ASZ1: variants seen among roughly 807,000 people sequenced by gnomAD.
ASZ1 encodes ankyrin repeat, SAM and basic leucine zipper domain-containing protein 1.
In ASZ1, 67 loss-of-function variants were observed where a neutral mutation model predicts 61.8. The ratio of observed to expected loss-of-function variants is 1.08; its 90% CI spans 0.89 to 1.33. ASZ1 has a LOEUF of 1.33. Among genes scored for constraint, ASZ1 ranks in the 40% most tolerant of loss-of-function variants. The pLI is 0.00. For synonymous variants in ASZ1, 193 were observed against 192.7 expected, an observed-to-expected ratio of 1.00 and a Z score of -0.01; for missense variants, 577 against 554.5, an observed-to-expected ratio of 1.04 and a Z score of -0.41.
At chr7:117,383,970 G>A (rs1214502980) in intron 6 of ASZ1, among the ~76,000 whole-genome samples, 1 of 152,020 alleles carries the variant, frequency 6.6e-6, no homozygotes, top group African/African-American at 2.4e-5. Context: ...TAAAAGGTTA[G>A]AGGAAGTTAC....
chr7:117,408,240 G>C (rs945630609), intron 4 of ASZ1, among the ~76,000 whole-genome samples: 3 of 152,064 alleles, frequency 2.0e-5, no homozygotes, highest in African/African-American at 7.2e-5. Context: ...ATTAGTATGA[G>C]ATGTCTAAAG....
chr7:117,373,363 G>A (rs906334704), intron 10 of ASZ1, among the ~76,000 whole-genome samples: 2 of 151,904 alleles, frequency 1.3e-5, no homozygotes, highest in Admixed American at 1.3e-4. Context: ...CACACCCCAC[G>A]GCATTGGCTT....
At chr7:117,408,486 A>G (rs961503428) in intron 4 of ASZ1, among the ~76,000 whole-genome samples, 16 of 152,134 alleles carry the variant, frequency 1.1e-4, no homozygotes, top group African/African-American at 3.9e-4. Flanking sequence ...TTGCCAAATC[A>G]CATTATTTTA....
intron 4 of ASZ1, among the ~76,000 whole-genome samples, chr7:117,411,316 G>A (rs976934466): frequency 6.6e-6 from 1 of 151,664 alleles, no homozygotes; most frequent in African/African-American, 2.4e-5. Flanking sequence ...CTATATGTAG[G>A]TAAGAGATAA....
At position 117,411,538 on chromosome 7, in the gene ASZ1, A is replaced by G. The variant is rs188455612; in HGVS notation, c.440+8625T>C. ...TACTTTCACATGGTCTACAAATGTA[A>G]AGTGGAAAAAACTTTTTGGAGGACA... is the stretch of plus-strand genomic sequence containing the variant. On this transcript the variant is annotated intron_variant, in intron 4 of 12. Coordinates refer to ENST00000284629, the MANE Select transcript of ASZ1 (RefSeq NM_130768.3). Among the ~76,000 whole-genome samples, 16 of 151,954 alleles carry G rather than the reference A, an allele frequency of 1.1e-4. No individual in the cohort carries two copies. In the East Asian group the frequency reaches 3.1e-3, roughly 29 times the overall value.
Position 117,385,795 on chromosome 7 carries a change from G to T in ASZ1, c.455C>A (p.Pro152Gln), listed in dbSNP as rs1179243141. 2 of 1,612,422 alleles carry T rather than the reference G, an allele frequency of 1.2e-6. No individual in the cohort carries two copies. The highest frequency in any genetic ancestry group is 1.7e-6 in the Non-Finnish European group (2 of 1,178,892). Reference sequence around the variant, plus strand: ...ACCATCTCGAGCAGCATACATGATTGGGGTCATAAGTCTCCTAAGGAGGAG... The same window carrying T: ...ACCATCTCGAGCAGCATACATGATTTGGGTCATAAGTCTCCTAAGGAGGAG... ...PNVACRRLMTPIMYAARDGHT... is the reference protein window; with the variant it reads ...PNVACRRLMTQIMYAARDGHT... The change falls in exon 5 of 13, where the codon CCA (proline) becomes CAA (glutamine). Residue 152 changes from proline to glutamine, a missense_variant. Pro to Gln is a moderately conservative substitution (Grantham distance 76). Transcript: ENST00000284629.
chr7:117,419,082 T>A (rs1797052935), intron 4 of ASZ1, among the ~76,000 whole-genome samples: 1 of 152,172 alleles, frequency 6.6e-6, no homozygotes, highest in Non-Finnish European at 1.5e-5. Context: ...TTCTCAACCA[T>A]GGCACTACTG....
intron 2 of ASZ1, among the ~76,000 whole-genome samples, chr7:117,426,602 T>TA (rs1797221234): frequency 6.6e-6 from 1 of 151,608 alleles, no homozygotes; most frequent in Non-Finnish European, 1.5e-5. Context: ...AGAGTAGGCC[T>TA]CTTGCTTGAA....
At chr7:117,407,394 G>C (rs755776053) in intron 4 of ASZ1, among the ~76,000 whole-genome samples, 2 of 151,128 alleles carry the variant, frequency 1.3e-5, no homozygotes, top group Non-Finnish European at 2.9e-5. Context: ...CTCAGTAACT[G>C]ATAGAACACG....
chr7:117,363,920 C>A (rs1795879368), intron 12 of ASZ1, among the ~76,000 whole-genome samples, 172 bp from the exon 13 acceptor site: 1 of 152,248 alleles, frequency 6.6e-6, no homozygotes, highest in Middle Eastern at 3.4e-3. Context: ...GTCTGAAAGA[C>A]AGTCTTTCAT....
intron 3 of ASZ1, among the ~76,000 whole-genome samples, chr7:117,421,799 T>C (rs1797104503): frequency 6.6e-6 from 1 of 152,176 alleles, no homozygotes; most frequent in South Asian, 2.1e-4. Flanking sequence ...CTTCTTACAC[T>C]CAAAGCACTT....
Position 117,385,718 on chromosome 7 carries a change from G to T in ASZ1, c.532C>A (p.Gln178Lys). 6.2e-7 allele frequency: 1 copy of T among 1,607,724 alleles called. No homozygotes were observed. Among genetic ancestry groups the T allele is most frequent in the Non-Finnish European group, 8.5e-7 (1 of 1,174,480 alleles). Residue 178 changes from glutamine (Q) to lysine (K), a missense_variant, in exon 5 of 13, where the codon CAG (glutamine) becomes AAG (lysine). Transcript: ENST00000284629. ...CTCACAGTGTAACCATTCTCATCCTGGGTATTAACTTCTGCTCCATGAGCA... is the reference window on the plus strand; with the variant it reads ...CTCACAGTGTAACCATTCTCATCCTTGGTATTAACTTCTGCTCCATGAGCA... Reference protein sequence around the residue: ...LVAHGAEVNTQDENGYTALTW... With the variant: ...LVAHGAEVNTKDENGYTALTW...
rs577125412 is a variant in ASZ1, at chr7:117,406,961, G to A, written c.440+13202C>T. On this transcript the variant is annotated intron_variant, in intron 4 of 12. Transcript: ENST00000284629. Reference sequence around the variant, plus strand: ...GCCACTCAAAGAATAATAAAAGAACGAATAACTACAGAAAGATAGAAAATG... The same window carrying A: ...GCCACTCAAAGAATAATAAAAGAACAAATAACTACAGAAAGATAGAAAATG... Among the ~76,000 whole-genome samples, 12 of 151,760 alleles carry A rather than the reference G, an allele frequency of 7.9e-5. 2 individuals carry two copies. The South Asian group carries it at 1.3e-3, about 16-fold the overall frequency.
chr7:117,397,767 C>A (rs1796603874), intron 4 of ASZ1, among the ~76,000 whole-genome samples: 1 of 152,228 alleles, frequency 6.6e-6, no homozygotes, highest in Admixed American at 6.5e-5. Context: ...AACAAAGGAT[C>A]AGAGGCTACT....
chr7:117,407,274 A>G (rs1475795321), intron 4 of ASZ1, among the ~76,000 whole-genome samples: 1 of 152,210 alleles, frequency 6.6e-6, no homozygotes, highest in Non-Finnish European at 1.5e-5. Flanking sequence ...ATTATAATGA[A>G]GTAAGAATTA....
intron 4 of ASZ1, among the ~76,000 whole-genome samples, chr7:117,398,986 T>G (rs1423442506): frequency 6.6e-6 from 1 of 152,178 alleles, no homozygotes; most frequent in East Asian, 1.9e-4. Context: ...ATCAGCATTT[T>G]GGGAGGTCAA....
chr7:117,365,381 T>C (rs371636412), intron 12 of ASZ1, among the ~76,000 whole-genome samples: 1 of 152,214 alleles, frequency 6.6e-6, no homozygotes, highest in African/African-American at 2.4e-5. Context: ...TGGTACCTGA[T>C]TGAATTGTGT....
chr7:117,372,311 A>C (rs1432989155), intron 10 of ASZ1, among the ~76,000 whole-genome samples: 1 of 152,210 alleles, frequency 6.6e-6, no homozygotes, highest in Non-Finnish European at 1.5e-5. Flanking sequence ...TGACCACATG[A>C]CTTGCTTTAG....
intron 10 of ASZ1, among the ~76,000 whole-genome samples, chr7:117,370,455 A>G (rs777247161): frequency 9.2e-5 from 14 of 152,178 alleles, no homozygotes; most frequent in Non-Finnish European, 1.8e-4. Context: ...GATTAGGCAC[A>G]TTAAGTATAC....
Sources: gnomAD v4.1 joint callset for allele counts (sites outside exome capture counted in the v4.1 genomes callset) on GRCh38, gnomAD v4.1.1 for gene constraint, MANE v1.5 for transcripts, NCBI Gene and HGNC (gene_info 2026-07-23, HGNC 2026-07-21) for gene names.